The following CAMK1D variants were observed in gnomAD, a reference collection of about 807,000 sequenced individuals.
The protein encoded by CAMK1D is calcium/calmodulin-dependent protein kinase type 1D.
A neutral mutation model predicts 47.7 loss-of-function variants in CAMK1D; 9 were observed. The observed-to-expected ratio is 0.19, with a 90% confidence interval of 0.11 to 0.33. The LOEUF (loss-of-function observed/expected upper bound fraction) is 0.33, where lower values mean the gene tolerates loss of function less well. Ranked by LOEUF, CAMK1D falls within the 10% of genes least tolerant of loss-of-function variation. The pLI, the probability that CAMK1D is intolerant of heterozygous loss-of-function variation, is 1.00. For missense variants in CAMK1D, 291 were observed against 488.7 expected (o/e 0.60, Z 3.81); for synonymous variants, 184 against 184.9 (o/e 0.99, Z 0.04).
chr10:12,409,292 A>G (rs533692550), intron 1 of CAMK1D, among the ~76,000 whole-genome samples: 1 of 152,080 alleles, frequency 6.6e-6, no homozygotes, highest in Non-Finnish European at 1.5e-5. Context: ...TGGCGCCTAC[A>G]CTCATGATTG....
At chr10:12,411,545 A>G (rs1223524773) in intron 1 of CAMK1D, among the ~76,000 whole-genome samples, 1 of 151,854 alleles carries the variant, frequency 6.6e-6, no homozygotes, top group Admixed American at 6.6e-5. Flanking sequence ...TGGGTTTTCC[A>G]GTAGAAATGT....
chr10:12,400,123 G>A (rs1458484319), intron 1 of CAMK1D, among the ~76,000 whole-genome samples: 3 of 152,154 alleles, frequency 2.0e-5, no homozygotes, highest in East Asian at 1.9e-4. Context: ...TGGATGTTAC[G>A]ACTTTAGGAA....
chr10:12,455,630 A>G (rs1833219011), intron 1 of CAMK1D, among the ~76,000 whole-genome samples: 1 of 152,222 alleles, frequency 6.6e-6, no homozygotes, highest in East Asian at 1.9e-4. Flanking sequence ...ATTCCATCAT[A>G]TAAAGTTTAG....
Position 12,666,952 on chromosome 10 carries a change from C to T in CAMK1D, c.299+142C>T, listed in dbSNP as rs942521601. ...GAGGCCTGTGGGATACTAGAGAGGC[C>T]TGTATCCAACTAAAGACGGTGGGCT... On this transcript the variant is annotated intron_variant, in intron 3 of 10. Transcript: ENST00000619168. 4 of 666,520 alleles carry T rather than the reference C, an allele frequency of 6.0e-6. No individual in the cohort carries two copies. In the Admixed American group the frequency reaches 1.1e-4, roughly 18 times the overall value. The allele number at this position is 666,520 out of a possible 1,614,324, so 41.3% of individuals were successfully genotyped here. A position where few individuals can be genotyped will look rare whatever the true frequency, so the allele number is the denominator to read the frequency against.
At chr10:12,679,544 G>A (rs368526195) in intron 3 of CAMK1D, among the ~76,000 whole-genome samples, 20 of 152,324 alleles carry the variant, frequency 1.3e-4, no homozygotes, top group Admixed American at 7.2e-4. Flanking sequence ...AGGCATTCTA[G>A]TTTGAGATGT....
At chr10:12,350,386 C>T (rs954690654) in intron 1 of CAMK1D, among the ~76,000 whole-genome samples, 3 of 152,258 alleles carry the variant, frequency 2.0e-5, no homozygotes, top group African/African-American at 7.2e-5. Flanking sequence ...GGCATCTGCA[C>T]GTACGAGGTG....
At chr10:12,497,115 A>C (rs950897891) in intron 1 of CAMK1D, among the ~76,000 whole-genome samples, 4 of 152,154 alleles carry the variant, frequency 2.6e-5, no homozygotes, top group Admixed American at 6.6e-5. Context: ...TATATGTACC[A>C]CATTTTCTTT....
Position 12,831,145 on chromosome 10 carries a change from A to AAG in CAMK1D, c.*2259_*2260dup, listed in dbSNP as rs1471826820. 2.6e-5 allele frequency: 4 copies of AAG among 152,182 alleles called. No individual in the cohort carries two copies. The highest frequency in any genetic ancestry group is 9.7e-5 in the African/African-American group (4 of 41,436). The allele number at this position is 152,182 out of a possible 1,614,324, so 9.4% of individuals were successfully genotyped here. A position where few individuals can be genotyped will look rare whatever the true frequency, so the allele number is the denominator to read the frequency against. On this transcript the variant is annotated 3_prime_UTR_variant, in exon 11 of 11. Transcript: ENST00000619168. The stretch of plus-strand genomic sequence containing the variant: ...ACGCATGCTCACAGGGTGAAAAATC[A>AAG]AGCTGTCACTCTGCAAAATCTAAAA...
intron 2 of CAMK1D, among the ~76,000 whole-genome samples, chr10:12,589,308 G>T (rs1234264673): frequency 6.6e-6 from 1 of 152,226 alleles, no homozygotes; most frequent in South Asian, 2.1e-4. Context: ...GCCACTGCGC[G>T]CAGCCTGTAT....
chr10:12,501,741 G>T lies in CAMK1D; in HGVS notation c.93-51484G>T, dbSNP rs566795209. 9.9e-5 allele frequency among the ~76,000 whole-genome samples: 15 copies of T among 152,236 alleles called. No individual in the cohort carries two copies. The East Asian group carries it at 2.9e-3, about 29-fold the overall frequency. On this transcript the variant is annotated intron_variant, in intron 1 of 10. Transcript: ENST00000619168. ...CTAGTGTCTGTGGGCGGAGATCGAG[G>T]ATGCTGTTAAACATCCCTTAATGCA...
At chr10:12,506,765 G>T (rs539200926) in intron 1 of CAMK1D, among the ~76,000 whole-genome samples, 1 of 152,116 alleles carries the variant, frequency 6.6e-6, no homozygotes, top group African/African-American at 2.4e-5. Context: ...TGATCCGCCC[G>T]CCTCAGCCTC....
chr10:12,790,159 A>G (rs1837915149), intron 5 of CAMK1D, among the ~76,000 whole-genome samples: 1 of 152,262 alleles, frequency 6.6e-6, no homozygotes, highest in Non-Finnish European at 1.5e-5. Context: ...CCCAGCATGG[A>G]TGACTCTTGA....
intron 1 of CAMK1D, among the ~76,000 whole-genome samples, chr10:12,513,229 G>T (rs1835092797): frequency 6.6e-6 from 1 of 152,196 alleles, no homozygotes; most frequent in South Asian, 2.1e-4. Context: ...TGTCAGGATG[G>T]GGAGTGAGGA....
chr10:12,655,297 G>A (rs1206970334), intron 2 of CAMK1D, among the ~76,000 whole-genome samples: 2 of 152,016 alleles, frequency 1.3e-5, no homozygotes, highest in East Asian at 1.9e-4. Flanking sequence ...AGCCACTGTC[G>A]CAAAGACAGC....
chr10:12,460,047 T>C (rs1833377149), intron 1 of CAMK1D, among the ~76,000 whole-genome samples: 3 of 152,182 alleles, frequency 2.0e-5, no homozygotes, highest in Admixed American at 1.3e-4. Flanking sequence ...TTGCTAGATC[T>C]GTGATCTAGT....
intron 7 of CAMK1D, among the ~76,000 whole-genome samples, chr10:12,814,722 C>G (rs1333255044): frequency 6.6e-6 from 1 of 152,166 alleles, no homozygotes; most frequent in South Asian, 2.1e-4. Context: ...GTCCCATCCC[C>G]AAATACCATC....
intron 5 of CAMK1D, among the ~76,000 whole-genome samples, chr10:12,783,734 T>C (rs1335252077): frequency 6.6e-6 from 1 of 152,226 alleles, no homozygotes; most frequent in Non-Finnish European, 1.5e-5. Flanking sequence ...TGAAACTCTT[T>C]TTTTGTTTTT....
intron 2 of CAMK1D, among the ~76,000 whole-genome samples, chr10:12,664,490 T>C (rs60169902): frequency 0.019 from 2,917 of 152,294 alleles, 56 homozygotes; most frequent in South Asian, 0.12. Flanking sequence ...TCCTAATTTA[T>C]TGGGGTCCGC....
At chr10:12,371,432 C>G (rs1388971717) in intron 1 of CAMK1D, among the ~76,000 whole-genome samples, 1 of 151,292 alleles carries the variant, frequency 6.6e-6, no homozygotes, top group African/African-American at 2.4e-5. Context: ...AAAAATTAGT[C>G]GGGCTTAGTG....
Sources: allele counts gnomAD v4.1 joint callset (sites outside exome capture counted in the v4.1 genomes callset), GRCh38; gene constraint gnomAD v4.1.1; transcripts MANE v1.5; gene names NCBI Gene and HGNC (gene_info 2026-07-23, HGNC 2026-07-21).